CADPS: variants seen among roughly 807,000 people sequenced by gnomAD.
The protein encoded by CADPS is calcium dependent secretion activator.
In CADPS, 57 loss-of-function variants were observed where a neutral mutation model predicts 167.3. The observed-to-expected ratio is 0.34, with a 90% CI of 0.28 to 0.42. The LOEUF (loss-of-function observed/expected upper bound fraction) is 0.42. Ranked by LOEUF, CADPS falls within the 20% of genes least tolerant of loss-of-function variation. The pLI, the probability that CADPS is intolerant of heterozygous loss-of-function variation, is 1.00. For synonymous variants in CADPS, 676 were observed against 635.3 expected (o/e 1.06, Z -0.96); for missense variants, 1,414 against 1,738.1 (o/e 0.81, Z 3.32).
Position 62,819,407 on chromosome 3 carries a change from C to CGTGTGTGTGTGT in CADPS, c.442-53435_442-53424dup, listed in dbSNP as rs3047244. Among the ~76,000 whole-genome samples the CGTGTGTGTGTGT allele has an allele frequency of 1.1e-3, 158 of 144,072 alleles. 1 individual carries two copies. Among genetic ancestry groups the CGTGTGTGTGTGT allele is most frequent in the African/African-American group, 3.6e-3 (139 of 38,798 alleles). The allele number at this position is 144,072 out of a possible 152,430, so 94.5% of individuals were successfully genotyped here. ...GTTTAAAGCAATGACAATCTGTGTG[C>CGTGTGTGTGTGT]GTGTGTGTGTGTGTGTGTGTGTGTG... On this transcript the variant is annotated intron_variant, in intron 1 of 29. Coordinates refer to ENST00000383710, the MANE Select transcript of CADPS (RefSeq NM_003716.4).
chr3:62,513,831 C>T (rs2068399170), intron 16 of CADPS: 2 of 632,712 alleles, frequency 3.2e-6, no homozygotes, highest in East Asian at 2.8e-5. Context: ...TTGGGATAAA[C>T]ACAGGATAAA....
At chr3:62,406,643 G>T (rs1439412046) in intron 28 of CADPS, among the ~76,000 whole-genome samples, 1 of 152,078 alleles carries the variant, frequency 6.6e-6, no homozygotes, top group African/African-American at 2.4e-5. Context: ...TTTGAAACTT[G>T]CTAAATAAAG....
intron 20 of CADPS, 56 bp from the exon 21 acceptor site, chr3:62,491,536 A>C (rs1444381521): frequency 4.0e-6 from 4 of 1,005,222 alleles, no homozygotes; most frequent in Non-Finnish European, 5.8e-6. Flanking sequence ...ATCAACGTAC[A>C]ACACACACAC....
At chr3:62,633,971 G>C (rs1210745014) in intron 6 of CADPS, among the ~76,000 whole-genome samples, 2 of 152,126 alleles carry the variant, frequency 1.3e-5, no homozygotes, top group African/African-American at 4.8e-5. Context: ...AACACACTTA[G>C]GACAGACGGC....
chr3:62,868,756 T>G (rs1346795924), intron 1 of CADPS, among the ~76,000 whole-genome samples: 1 of 152,170 alleles, frequency 6.6e-6, no homozygotes, highest in Admixed American at 6.5e-5. Flanking sequence ...TGTCTTATTT[T>G]GTAATGTAAA....
chr3:62,868,236 G>T (rs191135593), intron 1 of CADPS, among the ~76,000 whole-genome samples: 1 of 152,008 alleles, frequency 6.6e-6, no homozygotes, highest in African/African-American at 2.4e-5. Context: ...TCCTTCTCTT[G>T]GATGCTTTAC....
At chr3:62,655,087 C>T (rs2071212504) in intron 4 of CADPS, among the ~76,000 whole-genome samples, 1 of 152,116 alleles carries the variant, frequency 6.6e-6, no homozygotes, top group South Asian at 2.1e-4. Flanking sequence ...GATCACTCCT[C>T]CCAGAACTTG....
At chr3:62,510,492 G>T (rs2067579343) in intron 17 of CADPS, among the ~76,000 whole-genome samples, 1 of 152,100 alleles carries the variant, frequency 6.6e-6, no homozygotes, top group African/African-American at 2.4e-5. Flanking sequence ...TAAAATAATA[G>T]AATTCATTTG....
intron 9 of CADPS, 97 bp from the exon 10 acceptor site, chr3:62,557,610 T>C (rs2078389286): frequency 1.1e-6 from 1 of 946,822 alleles, no homozygotes. Context: ...CTGGACTGAG[T>C]GGCTGGGTTC....
Position 62,399,606 on chromosome 3 carries a change from G to A in CADPS, c.3883-21C>T. 5 of 1,587,544 alleles carry A rather than the reference G, an allele frequency of 3.1e-6. No homozygotes were observed. In the South Asian group the frequency reaches 4.4e-5, roughly 14 times the overall value. On this transcript the variant is annotated intron_variant, in intron 29 of 29. Transcript: ENST00000383710. This position sits in a 1 kb window ranked among gnomAD's most constrained non-coding sequence, Gnocchi z 5.6. ...GTTTTCTAAGGAAGGAAAAGATACA[G>A]TGATAAGAGAGATCTCATCTCCATG...
intron 3 of CADPS, among the ~76,000 whole-genome samples, chr3:62,734,160 T>A (rs1049507015): frequency 6.6e-6 from 1 of 152,182 alleles, no homozygotes; most frequent in African/African-American, 2.4e-5. Flanking sequence ...TGGGCACAGT[T>A]TGACGAATTT....
intron 13 of CADPS, 56 bp downstream of exon 13, chr3:62,532,814 AC>A: frequency 6.5e-7 from 1 of 1,533,660 alleles, no homozygotes. Context: ...CTAGCCATAA[AC>A]CATTGCCAGT....
At chr3:62,722,793 TTGGG>T (rs1340270516) in intron 3 of CADPS, among the ~76,000 whole-genome samples, 2 of 152,076 alleles carry the variant, frequency 1.3e-5, no homozygotes, top group Admixed American at 1.3e-4. Flanking sequence ...ACATTTGAGG[TTGGG>T]TAATTGTTTT....
chr3:62,540,559 G>A (rs1415036316), intron 11 of CADPS, among the ~76,000 whole-genome samples: 1 of 151,822 alleles, frequency 6.6e-6, no homozygotes, highest in Non-Finnish European at 1.5e-5. Context: ...GTGCTCTTAG[G>A]GGAAAAAAAT....
chr3:62,457,598 G>A (rs973232185), intron 26 of CADPS, among the ~76,000 whole-genome samples: 1 of 152,188 alleles, frequency 6.6e-6, no homozygotes, highest in African/African-American at 2.4e-5. Flanking sequence ...AGTTTTGATT[G>A]ACCTTGTCAT....
chr3:62,400,894 G>A (rs578147780), intron 29 of CADPS, among the ~76,000 whole-genome samples: 6 of 152,058 alleles, frequency 3.9e-5, no homozygotes, highest in African/African-American at 7.2e-5. Flanking sequence ...CATCGTGCCC[G>A]GCCCATTATT....
At chr3:62,436,794 G>T (rs1021096928) in intron 28 of CADPS, among the ~76,000 whole-genome samples, 2 of 152,006 alleles carry the variant, frequency 1.3e-5, no homozygotes, top group Admixed American at 6.6e-5. Flanking sequence ...AGTAAGAAGG[G>T]TTTTGTCGAG....
chr3:62,419,375 T>A (rs529485827), intron 28 of CADPS, among the ~76,000 whole-genome samples: 1 of 152,252 alleles, frequency 6.6e-6, no homozygotes, highest in African/African-American at 2.4e-5. Context: ...CCCTGTGCAC[T>A]GAGAAAATGG....
At chr3:62,738,609 C>G (rs1210788321) in intron 3 of CADPS, among the ~76,000 whole-genome samples, 1 of 152,042 alleles carries the variant, frequency 6.6e-6, no homozygotes, top group Non-Finnish European at 1.5e-5. Context: ...ACCTGTAATC[C>G]TAGCTACTTG....
Sources: allele counts gnomAD v4.1 joint callset (sites outside exome capture counted in the v4.1 genomes callset), GRCh38; gene constraint gnomAD v4.1.1; non-coding constraint Gnocchi (gnomAD v3.1); transcripts MANE v1.5; gene names NCBI Gene and HGNC (gene_info 2026-07-23, HGNC 2026-07-21).